PHF20: variants seen among roughly 807,000 people sequenced by gnomAD.
PHF20 encodes the protein glioma-expressed antigen 2.
Under a neutral mutation model 113.5 loss-of-function variants are expected in PHF20, and 23 were observed. The observed-to-expected ratio is 0.20, with a 90% CI of 0.15 to 0.29. PHF20 has a LOEUF of 0.29. Among genes scored for constraint, PHF20 ranks in the 10% least tolerant of loss-of-function variants. The pLI is 1.00. For synonymous variants in PHF20, 434 were observed against 457.3 expected, an observed-to-expected ratio of 0.95 and a Z score of 0.65; for missense variants, 943 against 1,219.6, an observed-to-expected ratio of 0.77 and a Z score of 3.38.
chr20:35,855,604 A>G (rs1301467153), intron 4 of PHF20: 1 of 152,162 alleles, frequency 6.6e-6, no homozygotes, highest in South Asian at 2.1e-4. Context: ...CATCAGGGTA[A>G]ATGGGGGTAT....
chr20:35,857,234 G>C (rs763412841), intron 4 of PHF20, among the ~76,000 whole-genome samples: 1 of 152,288 alleles, frequency 6.6e-6, no homozygotes, highest in South Asian at 2.1e-4. Flanking sequence ...GGCATGAATT[G>C]GCTCTAAGAT....
chr20:35,804,314 A>G (rs2041842330), intron 2 of PHF20, among the ~76,000 whole-genome samples: 1 of 150,474 alleles, frequency 6.6e-6, no homozygotes, highest in African/African-American at 2.4e-5. Context: ...CCTCACTGCA[A>G]GCACTGCCTC....
intron 2 of PHF20, among the ~76,000 whole-genome samples, chr20:35,823,802 A>T (rs1448341781): frequency 6.6e-6 from 1 of 152,050 alleles, no homozygotes; most frequent in Non-Finnish European, 1.5e-5. Flanking sequence ...CCTTTTCCAT[A>T]GTGTGTTATA....
chr20:35,838,848 G>T (rs574664483), intron 2 of PHF20, among the ~76,000 whole-genome samples: 3 of 151,546 alleles, frequency 2.0e-5, no homozygotes, highest in Admixed American at 2.0e-4. Context: ...CAATAAATTA[G>T]CTGGGCATGG....
chr20:35,913,067 T>C (rs1177140575), intron 10 of PHF20, among the ~76,000 whole-genome samples, 182 bp from the exon 11 acceptor site: 1 of 152,020 alleles, frequency 6.6e-6, no homozygotes, highest in Non-Finnish European at 1.5e-5. Flanking sequence ...TGGGCCAGAG[T>C]GTGCTGAGCT....
chr20:35,840,983 C>T (rs1424425060), intron 2 of PHF20, among the ~76,000 whole-genome samples: 1 of 152,158 alleles, frequency 6.6e-6, no homozygotes, highest in African/African-American at 2.4e-5. Flanking sequence ...GGCATCCTTC[C>T]AGATACTTTA....
intron 15 of PHF20, among the ~76,000 whole-genome samples, chr20:35,934,512 C>A (rs1266937158): frequency 6.6e-6 from 1 of 152,248 alleles, no homozygotes; most frequent in Non-Finnish European, 1.5e-5. Context: ...CCCTTATCTG[C>A]ATGGTCTTAG....
intron 6 of PHF20, among the ~76,000 whole-genome samples, chr20:35,864,856 G>A (rs577877695): frequency 1.9e-3 from 282 of 152,212 alleles, no homozygotes; most frequent in African/African-American, 6.5e-3. Flanking sequence ...GTAAATGCTA[G>A]ATTTCAAATA....
intron 2 of PHF20, among the ~76,000 whole-genome samples, chr20:35,822,132 G>T (rs117476321): frequency 6.6e-6 from 1 of 152,162 alleles, no homozygotes; most frequent in Non-Finnish European, 1.5e-5. Context: ...GGCTGAGTGC[G>T]GTGGCTCACG....
At chr20:35,814,821 C>A (rs1395917870) in intron 2 of PHF20, among the ~76,000 whole-genome samples, 5 of 140,776 alleles carry the variant, frequency 3.6e-5, no homozygotes, top group African/African-American at 1.3e-4. Context: ...TGCAATGAGC[C>A]GAGATCCCGC....
intron 15 of PHF20, among the ~76,000 whole-genome samples, chr20:35,936,962 C>A (rs2055876564): frequency 6.6e-6 from 1 of 152,086 alleles, no homozygotes; most frequent in African/African-American, 2.4e-5. Flanking sequence ...AGAACATGAG[C>A]CCAAGGTGGT....
intron 4 of PHF20, among the ~76,000 whole-genome samples, chr20:35,857,541 AC>A (rs1421319356): frequency 4.3e-5 from 6 of 140,284 alleles, no homozygotes; most frequent in Admixed American, 7.1e-5. Flanking sequence ...GAAACACAAT[AC>A]CTTTAGCTGA....
chr20:35,873,491 CAG>C (rs1350618834), intron 9 of PHF20, among the ~76,000 whole-genome samples: 2 of 121,626 alleles, frequency 1.6e-5, no homozygotes, highest in East Asian at 5.1e-4. Context: ...TTTTTTAAGA[CAG>C]AGTCTTGCTC....
At chr20:35,820,534 C>T (rs1037581686) in intron 2 of PHF20, among the ~76,000 whole-genome samples, 3 of 151,248 alleles carry the variant, frequency 2.0e-5, no homozygotes, top group South Asian at 2.1e-4. Flanking sequence ...CTGCAAGCTC[C>T]GCCTCCCAGG....
At chr20:35,943,017 G>T (rs2056015002) in intron 17 of PHF20, among the ~76,000 whole-genome samples, 1 of 152,104 alleles carries the variant, frequency 6.6e-6, no homozygotes, top group Admixed American at 6.5e-5. Context: ...TAGAGACAGG[G>T]TTTCACTGTG....
At position 35,815,347 on chromosome 20, in the gene PHF20, G is replaced by T. The variant is rs2042053561; in HGVS notation, c.83+13742G>T. 3.3e-5 allele frequency among the ~76,000 whole-genome samples: 5 copies of T among 152,238 alleles called. No homozygotes were observed. The South Asian group carries it at 1.0e-3, about 32-fold the overall frequency. ...AATCTGGGCACTTTGAGAGGCTGAG[G>T]TGGGCAGATCACTTGAGGTCAGGAG... On this transcript the variant is annotated intron_variant, in intron 2 of 17. Coordinates refer to ENST00000374012, the MANE Select transcript of PHF20 (RefSeq NM_016436.5).
chr20:35,809,175 G>T (rs1451155903), intron 2 of PHF20, among the ~76,000 whole-genome samples: 2 of 151,976 alleles, frequency 1.3e-5, no homozygotes, highest in Non-Finnish European at 2.9e-5. Flanking sequence ...AACCTGGGAG[G>T]TGGAGGTTGC....
Position 35,947,690 on chromosome 20 carries a change from A to G in PHF20, c.*63A>G, listed in dbSNP as rs1199015835. On this transcript the variant is annotated 3_prime_UTR_variant, in exon 18 of 18. Coordinates refer to ENST00000374012, the MANE Select transcript of PHF20 (RefSeq NM_016436.5). The stretch of plus-strand genomic sequence containing the variant: ...GGCACCTGCAGGAGGAGCTTCGCAT[A>G]TTTAAATAAATAAACCTAGCATGCT... 2 of 1,521,454 alleles carry G rather than the reference A, an allele frequency of 1.3e-6. No homozygotes were observed. Among genetic ancestry groups the G allele is most frequent in the Non-Finnish European group, 1.8e-6 (2 of 1,106,102 alleles). The allele number at this position is 1,521,454 out of a possible 1,614,324, so 94.2% of individuals were successfully genotyped here.
chr20:35,792,576 C>T (rs1329475400), intron 1 of PHF20, among the ~76,000 whole-genome samples: 1 of 151,966 alleles, frequency 6.6e-6, no homozygotes, highest in African/African-American at 2.4e-5. Flanking sequence ...CCCTCCTTCC[C>T]TACCTTGTCA....
Sources: gnomAD v4.1 joint callset for allele counts (sites outside exome capture counted in the v4.1 genomes callset) on GRCh38, gnomAD v4.1.1 for gene constraint, MANE v1.5 for transcripts, NCBI Gene and HGNC (gene_info 2026-07-23, HGNC 2026-07-21) for gene names.